Variants in ADTRP observed in about 807,000 individuals in gnomAD.
The protein encoded by ADTRP is androgen-dependent TFPI-regulating protein.
In ADTRP, 20 loss-of-function variants were observed where a neutral mutation model predicts 27.0. The observed-to-expected ratio is 0.74, with a 90% confidence interval of 0.52 to 1.08. The LOEUF (loss-of-function observed/expected upper bound fraction) is 1.08, where lower values mean the gene tolerates loss of function less well. Ranked by LOEUF, ADTRP falls within the 50% of genes least tolerant of loss-of-function variation. The pLI, the probability that ADTRP is intolerant of heterozygous loss-of-function variation, is 0.00. For synonymous variants in ADTRP, 101 were observed against 105.2 expected (o/e 0.96, Z 0.25); for missense variants, 251 against 275.0 (o/e 0.91, Z 0.62).
At chr6:11,727,959 C>CAGAGAGGGAGGGAGGTAGGT (rs1762265764) in intron 4 of ADTRP, among the ~76,000 whole-genome samples, 2 of 91,680 alleles carry the variant, frequency 2.2e-5, no homozygotes, top group Admixed American at 1.6e-4. Flanking sequence ...GGAAGGGAGG[C>CAGAGAGGGAGGGAGGTAGGT]AGGGAGGGAG....
chr6:11,775,195 T>C (rs895447183), intron 1 of ADTRP, among the ~76,000 whole-genome samples: 18 of 152,048 alleles, frequency 1.2e-4, no homozygotes, highest in Non-Finnish European at 2.4e-4. Flanking sequence ...ACCTAGGTGC[T>C]CAGTGAGGAG....
chr6:11,726,615 C>T lies in ADTRP; in HGVS notation c.507-3115G>A, dbSNP rs182399484. Among the ~76,000 whole-genome samples, 9 of 152,294 alleles carry T rather than the reference C, an allele frequency of 5.9e-5. No homozygotes were observed. The East Asian group carries it at 1.7e-3, about 29-fold the overall frequency. ...AATATGAACTAAATAAACCTCTTTT[C>T]AATCTCTGATATCCTTTTATAGCAA... On this transcript the variant is annotated intron_variant, in intron 4 of 5. Transcript: ENST00000414691.
intron 3 of ADTRP, among the ~76,000 whole-genome samples, chr6:11,739,544 A>G (rs73725709): frequency 0.031 from 4,638 of 151,734 alleles, 229 homozygotes; most frequent in African/African-American, 0.11. Context: ...TTAGTGTAAT[A>G]ATCACAGTAG....
chr6:11,758,829 G>C (rs1283677799), intron 3 of ADTRP, among the ~76,000 whole-genome samples: 1 of 152,106 alleles, frequency 6.6e-6, no homozygotes, highest in East Asian at 1.9e-4. Flanking sequence ...GGGCAAGGTG[G>C]GGCATTGATT....
At chr6:11,723,790 G>A (rs1275972933) in intron 4 of ADTRP, among the ~76,000 whole-genome samples, 1 of 152,196 alleles carries the variant, frequency 6.6e-6, no homozygotes, top group Non-Finnish European at 1.5e-5. Context: ...CAGGCACTGT[G>A]GCTCATGCCT....
intron 4 of ADTRP, 39 bp from the exon 5 acceptor site, chr6:11,723,539 G>A (rs1017688190): frequency 3.7e-6 from 6 of 1,606,824 alleles, no homozygotes; most frequent in Non-Finnish European, 5.1e-6. Context: ...ATAGCAGGAG[G>A]AGAAAAACAA....
chr6:11,775,823 G>A (rs568489614), intron 1 of ADTRP, among the ~76,000 whole-genome samples: 1 of 152,282 alleles, frequency 6.6e-6, no homozygotes, highest in African/African-American at 2.4e-5. Flanking sequence ...TTACAAAGGG[G>A]ACAAAAATGA....
intron 4 of ADTRP, among the ~76,000 whole-genome samples, chr6:11,733,581 A>C (rs770258228): frequency 1.3e-5 from 2 of 152,178 alleles, no homozygotes; most frequent in Non-Finnish European, 2.9e-5. Flanking sequence ...TCCTGGGCTT[A>C]TGCCTATTAC....
intron 5 of ADTRP, among the ~76,000 whole-genome samples, chr6:11,722,046 T>A (rs1762038539): frequency 6.6e-6 from 1 of 152,100 alleles, no homozygotes. Context: ...GAGAGAGATT[T>A]GGGGAGGCAT....
At chr6:11,743,726 C>T (rs939284334) in intron 3 of ADTRP, among the ~76,000 whole-genome samples, 1 of 152,210 alleles carries the variant, frequency 6.6e-6, no homozygotes, top group African/African-American at 2.4e-5. Context: ...CACTTAACAT[C>T]AGTGACATTA....
At chr6:11,732,445 TA>T (rs1762419310) in intron 4 of ADTRP, among the ~76,000 whole-genome samples, 1 of 152,182 alleles carries the variant, frequency 6.6e-6, no homozygotes, top group Non-Finnish European at 1.5e-5. Context: ...CTGCAGTTTG[TA>T]GAACTTCATG....
chr6:11,716,331 C>T (rs924655172), intron 5 of ADTRP, among the ~76,000 whole-genome samples: 1 of 152,114 alleles, frequency 6.6e-6, no homozygotes, highest in Non-Finnish European at 1.5e-5. Context: ...CAACAGAACA[C>T]GAAGGTTTGG....
intron 3 of ADTRP, among the ~76,000 whole-genome samples, chr6:11,761,939 G>A (rs1215390475): frequency 6.6e-6 from 1 of 152,178 alleles, no homozygotes; most frequent in Non-Finnish European, 1.5e-5. Flanking sequence ...AATTGAGGGT[G>A]AGGAATCAGG....
At chr6:11,748,946 C>T (rs1762953951) in intron 3 of ADTRP, among the ~76,000 whole-genome samples, 1 of 152,180 alleles carries the variant, frequency 6.6e-6, no homozygotes, top group East Asian at 1.9e-4. Context: ...CAGGTTTATT[C>T]CAAGTGAAGC....
intron 3 of ADTRP, among the ~76,000 whole-genome samples, chr6:11,745,888 T>C (rs1762851548): frequency 2.0e-5 from 3 of 152,170 alleles, no homozygotes; most frequent in African/African-American, 7.2e-5. Flanking sequence ...CTGCCTGGGT[T>C]CAAGCGATTC....
chr6:11,751,949 T>C lies in ADTRP; in HGVS notation c.390+14325A>G, dbSNP rs192931095. Reference sequence around the variant, plus strand: ...TTTCTTTTTAGGAAATCCATCCTATTAATCTGGTTAATTTTTGGGTCTTCT... The same window carrying C: ...TTTCTTTTTAGGAAATCCATCCTATCAATCTGGTTAATTTTTGGGTCTTCT... On this transcript the variant is annotated intron_variant, in intron 3 of 5. Transcript: ENST00000414691. Among the ~76,000 whole-genome samples the C allele has an allele frequency of 1.0e-3, 158 of 152,342 alleles. 1 individual carries two copies. The highest frequency in any genetic ancestry group is 3.7e-3 in the African/African-American group (154 of 41,576).
intron 3 of ADTRP, among the ~76,000 whole-genome samples, chr6:11,742,331 A>T (rs1375978892): frequency 6.6e-6 from 1 of 151,886 alleles, no homozygotes; most frequent in Non-Finnish European, 1.5e-5. Flanking sequence ...TTAACTCTTT[A>T]ATTTTTTCTC....
intron 2 of ADTRP, 130 bp downstream of exon 2, chr6:11,768,119 A>G: frequency 1.7e-6 from 2 of 1,146,966 alleles, no homozygotes; most frequent in Admixed American, 2.2e-5. Context: ...CAGTCCTCAG[A>G]CAGGACATTG....
intron 3 of ADTRP, among the ~76,000 whole-genome samples, chr6:11,753,645 T>G (rs1763121137): frequency 6.6e-6 from 1 of 152,196 alleles, no homozygotes; most frequent in Non-Finnish European, 1.5e-5. Context: ...AGCCTTAAAC[T>G]AAACTCCCTG....
Sources: allele counts gnomAD v4.1 joint callset (sites outside exome capture counted in the v4.1 genomes callset), GRCh38; gene constraint gnomAD v4.1.1; transcripts MANE v1.5; gene names NCBI Gene and HGNC (gene_info 2026-07-23, HGNC 2026-07-21).